The following STIL variants were observed in gnomAD, a reference collection of about 807,000 sequenced individuals.
STIL encodes the protein SCL-interrupting locus protein.
A neutral mutation model predicts 110.1 loss-of-function variants in STIL; 55 were observed. The ratio of observed to expected loss-of-function variants is 0.50; its 90% CI spans 0.40 to 0.63. The LOEUF (loss-of-function observed/expected upper bound fraction) is 0.63. Among genes scored for constraint, STIL ranks in the 20% least tolerant of loss-of-function variants. The pLI, the probability that STIL is intolerant of heterozygous loss-of-function variation, is 0.00. For synonymous variants in STIL, 481 were observed against 530.0 expected, an observed-to-expected ratio of 0.91 and a Z score of 1.27; for missense variants, 1,358 against 1,530.0, an observed-to-expected ratio of 0.89 and a Z score of 1.87.
Position 47,300,165 on chromosome 1 carries a change from T to A in STIL, c.454-13A>T. The A allele has an allele frequency of 6.2e-7, 1 of 1,609,804 alleles. No individual in the cohort carries two copies. The highest frequency in any genetic ancestry group is 1.1e-5 in the South Asian group (1 of 90,060). Reference sequence around the variant, plus strand: ...GGCACTGTAGAGCCTGAGAAATCAATATTAAATAATTATTTTAAAACTTTG... The same window carrying A: ...GGCACTGTAGAGCCTGAGAAATCAAAATTAAATAATTATTTTAAAACTTTG... On this transcript the variant is annotated splice_polypyrimidine_tract_variant and intron_variant, in intron 5 of 16. Transcript: ENST00000371877.
chr1:47,272,996 T>C (rs1268067234), intron 12 of STIL, among the ~76,000 whole-genome samples: 2 of 152,200 alleles, frequency 1.3e-5, no homozygotes, highest in African/African-American at 4.8e-5. Flanking sequence ...GAGCGCCTGT[T>C]GTTTGCAAGA....
chr1:47,268,095 T>G (rs1270534267), intron 14 of STIL, among the ~76,000 whole-genome samples: 1 of 152,350 alleles, frequency 6.6e-6, no homozygotes, highest in East Asian at 1.9e-4. Context: ...TATATAAATA[T>G]TAAGGTTCTA....
intron 4 of STIL, 98 bp from the exon 5 acceptor site, chr1:47,301,846 C>A: frequency 9.3e-7 from 1 of 1,073,570 alleles, no homozygotes; most frequent in Non-Finnish European, 1.4e-6. Flanking sequence ...TTGTTCATAC[C>A]AATAGTACAC....
chr1:47,309,098 G>C (rs750417500), intron 2 of STIL, among the ~76,000 whole-genome samples: 1 of 151,710 alleles, frequency 6.6e-6, no homozygotes, highest in Non-Finnish European at 1.5e-5. Context: ...CAGTTGGATT[G>C]TCTCTAACAC....
rs1644167866 is a variant in STIL at position 47,251,030 on chromosome 1, ACAGTGACTCCAGAATGAT to A, written c.*88_*105del. 7.0e-6 allele frequency: 8 copies of A among 1,143,028 alleles called. No homozygotes were observed. The South Asian group carries it at 1.2e-4, about 17-fold the overall frequency. 70.8% of individuals were successfully genotyped at this position (1,143,028 alleles called of 1,614,324 possible). The stretch of plus-strand genomic sequence containing the variant: ...CTTCCCAATTGGCTGCTACCAAGAA[ACAGTGACTCCAGAATGAT>A]CAGGAGCCTTGTGGTAGGCTCCTGT... On this transcript the variant is annotated 3_prime_UTR_variant, in exon 17 of 17. Transcript: ENST00000371877.
intron 10 of STIL, among the ~76,000 whole-genome samples, chr1:47,285,847 T>C (rs1039306161): frequency 3.9e-5 from 6 of 152,120 alleles, no homozygotes; most frequent in Admixed American, 3.9e-4. Context: ...AAGTGTGTTT[T>C]AGAAGTTTTA....
chr1:47,309,067 AT>A (rs1265802166), intron 2 of STIL, among the ~76,000 whole-genome samples: 245 of 151,790 alleles, frequency 1.6e-3, no homozygotes, highest in African/African-American at 5.3e-3. Flanking sequence ...AAAAAAAAAA[AT>A]AATAATAATT....
At chr1:47,283,184 C>T (rs1475998864) in intron 10 of STIL, 3 of 152,058 alleles carry the variant, frequency 2.0e-5, no homozygotes, top group African/African-American at 7.2e-5. Flanking sequence ...AAAAAAGCAC[C>T]CTGCATTCTG....
Position 47,294,954 on chromosome 1 carries a change from T to C in STIL, c.785+811A>G, listed in dbSNP as rs111589532. ...ATTTTTTTTTGAGAAGGAGTTTCAC[T>C]CTTGTTGCCCAAGCTGGAGTGCAAT... is the stretch of plus-strand genomic sequence containing the variant. On this transcript the variant is annotated intron_variant, in intron 7 of 16. Transcript: ENST00000371877. Among the ~76,000 whole-genome samples the C allele has an allele frequency of 6.1e-3, 928 of 152,150 alleles. 4 individuals carry two copies. The highest frequency in any genetic ancestry group is 8.6e-3 in the Non-Finnish European group (586 of 68,004).
At chr1:47,286,490 C>T (rs1196697077) in intron 10 of STIL, among the ~76,000 whole-genome samples, 4 of 151,704 alleles carry the variant, frequency 2.6e-5, no homozygotes, top group African/African-American at 9.7e-5. Context: ...GGGTGGATCA[C>T]GAGGTCAAGA....
chr1:47,260,864 A>T (rs1644465233), intron 15 of STIL, among the ~76,000 whole-genome samples: 1 of 152,192 alleles, frequency 6.6e-6, no homozygotes, highest in African/African-American at 2.4e-5. Flanking sequence ...CTCTGTCTCT[A>T]AAAAAATTAA....
chr1:47,252,778 T>TACACACACAC (rs3043070), intron 16 of STIL, among the ~76,000 whole-genome samples: 515 of 140,190 alleles, frequency 3.7e-3, no homozygotes, highest in Non-Finnish European at 6.2e-3. Context: ...TATGGGCTTA[T>TACACACACAC]ACACACACAC....
At chr1:47,289,887 A>G (rs928380944) in intron 8 of STIL, among the ~76,000 whole-genome samples, 5 of 148,490 alleles carry the variant, frequency 3.4e-5, no homozygotes, top group Non-Finnish European at 7.4e-5. Context: ...GTAATGAGCC[A>G]AGATCGCGCC....
chr1:47,295,006 C>T (rs1469663729), intron 7 of STIL, among the ~76,000 whole-genome samples: 2 of 152,078 alleles, frequency 1.3e-5, no homozygotes, highest in Non-Finnish European at 2.9e-5. Flanking sequence ...ACTGCAACCT[C>T]CACCTCCTGG....
chr1:47,268,791 AT>A (rs1644733048), intron 14 of STIL, among the ~76,000 whole-genome samples: 2 of 150,788 alleles, frequency 1.3e-5, no homozygotes, highest in African/African-American at 2.4e-5. Context: ...AAATAAATAA[AT>A]TAAATAAAAG....
Position 47,311,874 on chromosome 1 carries a change from C to T in STIL, c.-43-1512G>A, listed in dbSNP as rs148604992. On this transcript the variant is annotated intron_variant, in intron 1 of 16. Transcript: ENST00000371877. ...CCAGCCGGGTCAACATGGTGAAACC[C>T]CGTCTCTACTAAAAATACAAAAATT... 5.8e-3 allele frequency among the ~76,000 whole-genome samples: 885 copies of T among 151,906 alleles called. 8 individuals carry two copies. The highest frequency in any genetic ancestry group is 0.02 in the African/African-American group (829 of 41,408).
intron 2 of STIL, among the ~76,000 whole-genome samples, chr1:47,307,510 T>G (rs112923852): frequency 1.4e-4 from 22 of 152,296 alleles, no homozygotes; most frequent in African/African-American, 5.1e-4. Flanking sequence ...CCCCAATCAA[T>G]ACCCTTGTGA....
intron 2 of STIL, among the ~76,000 whole-genome samples, chr1:47,307,351 G>C (rs904045772): frequency 2.5e-4 from 38 of 152,236 alleles, no homozygotes; most frequent in Non-Finnish European, 4.9e-4. Flanking sequence ...TGGAGGGACC[G>C]GCCGAAGCCA....
intron 14 of STIL, among the ~76,000 whole-genome samples, chr1:47,267,447 G>A (rs1570075781): frequency 6.6e-6 from 1 of 152,134 alleles, no homozygotes; most frequent in East Asian, 1.9e-4. Context: ...GCTCATACCA[G>A]TAATCCCAAC....
Sources: allele counts gnomAD v4.1 joint callset (sites outside exome capture counted in the v4.1 genomes callset), GRCh38; gene constraint gnomAD v4.1.1; transcripts MANE v1.5; gene names NCBI Gene and HGNC (gene_info 2026-07-23, HGNC 2026-07-21).